MCF2L: variants seen among roughly 807,000 people sequenced by gnomAD.
MCF2L encodes the protein MCF.2 cell line derived transforming sequence like.
MCF2L carries 97 observed loss-of-function variants against 153.4 expected under a neutral mutation model. That is an observed-to-expected ratio of 0.63 (90% CI 0.54 to 0.75). The LOEUF (loss-of-function observed/expected upper bound fraction) is 0.75, where lower values mean the gene tolerates loss of function less well. Ranked by LOEUF, MCF2L falls within the 30% of genes least tolerant of loss-of-function variation. MCF2L has a pLI of 0.00. For missense variants in MCF2L, 1,347 were observed against 1,495.2 expected (o/e 0.90, Z 1.64); for synonymous variants, 659 against 632.2 (o/e 1.04, Z -0.64).
intron 2 of MCF2L, among the ~76,000 whole-genome samples, chr13:112,919,156 A>G (rs1233015350): frequency 1.3e-5 from 2 of 150,752 alleles, no homozygotes; most frequent in African/African-American, 4.9e-5. Flanking sequence ...GTTTTTAGGC[A>G]TTTTTTCAAT....
intron 27 of MCF2L, 129 bp downstream of exon 27, chr13:113,094,764 C>T (rs897369275): frequency 2.4e-6 from 3 of 1,255,136 alleles, no homozygotes; most frequent in Non-Finnish European, 3.3e-6. Flanking sequence ...CTGGAAGGTC[C>T]ACATGGGCCT....
Position 113,058,750 on chromosome 13 carries a change from T to TGA in MCF2L, c.370-1842_370-1841insAG, listed in dbSNP as rs1438723524. Among the ~76,000 whole-genome samples the TGA allele has an allele frequency of 1.8e-4, 19 of 107,608 alleles. 1 individual carries two copies. Among genetic ancestry groups the TGA allele is most frequent in the African/African-American group, 3.2e-4 (8 of 25,296 alleles). The allele number at this position is 107,608 out of a possible 152,430, so 70.6% of individuals were successfully genotyped here. A position where few individuals can be genotyped will look rare whatever the true frequency, so the allele number is the denominator to read the frequency against. Reference sequence around the variant, plus strand: ...TGCTGTGTGGGCGCTGAGTGGGCGCTGTGTGTTTGGGGGCTGAGTATTTGG... The same window carrying TGA: ...TGCTGTGTGGGCGCTGAGTGGGCGCTGAGTGTGTTTGGGGGCTGAGTATTTGG... On this transcript the variant is annotated intron_variant, in intron 4 of 29. Coordinates refer to ENST00000535094, the MANE Select transcript of MCF2L (RefSeq NM_001112732.3).
intron 1 of MCF2L, among the ~76,000 whole-genome samples, chr13:112,995,763 C>G (rs2083102823): frequency 6.6e-6 from 1 of 152,092 alleles, no homozygotes; most frequent in African/African-American, 2.4e-5. Flanking sequence ...AGAGTGTGCC[C>G]TCTCCCCCAG....
At chr13:113,010,774 G>A (rs2141148377) in intron 1 of MCF2L, among the ~76,000 whole-genome samples, 1 of 152,204 alleles carries the variant, frequency 6.6e-6, no homozygotes, top group South Asian at 2.1e-4. Flanking sequence ...GCTCAGTGAG[G>A]GAGCTGGGCC....
In MCF2L at chr13:112,983,382, G is replaced by A. The variant is rs967079917; in HGVS notation, c.79+13924G>A. ...CAGTGGCACTGCGGAAACCCAGGCC[G>A]GACCTCACAATTGCAGGATGAGCCT... On this transcript the variant is annotated intron_variant, in intron 1 of 29. Coordinates refer to ENST00000535094, the MANE Select transcript of MCF2L (RefSeq NM_001112732.3). The surrounding 1 kb of genome is among the most constrained non-coding windows in gnomAD (Gnocchi z 4.0). 7.2e-5 allele frequency among the ~76,000 whole-genome samples: 11 copies of A among 152,202 alleles called. No homozygotes were observed. The highest frequency in any genetic ancestry group is 4.1e-4 in the South Asian group (2 of 4,832).
At chr13:112,962,676 C>A (rs1180995489) in intron 2 of MCF2L, among the ~76,000 whole-genome samples, 4 of 152,238 alleles carry the variant, frequency 2.6e-5, no homozygotes, top group Non-Finnish European at 4.4e-5. Flanking sequence ...CCCCTGAAGG[C>A]CCCAGCTCCC....
Position 113,056,797 on chromosome 13 carries a change from TG to T in MCF2L, c.370-3793del, listed in dbSNP as rs1426798798. ...GCTGAGTGTTTTGGCACTGAGTGTT[TG>T]GGTGCTGTGTGTTTGGGTGCTGAGT... On this transcript the variant is annotated intron_variant, in intron 4 of 29. Transcript: ENST00000535094. Among the ~76,000 whole-genome samples, 3 of 125,714 alleles carry T rather than the reference TG, an allele frequency of 2.4e-5. No homozygotes were observed. The East Asian group carries it at 8.4e-4, about 35-fold the overall frequency. 82.5% of individuals were successfully genotyped at this position (125,714 alleles called of 152,430 possible). A position where few individuals can be genotyped will look rare whatever the true frequency, so the allele number is the denominator to read the frequency against.
intron 1 of MCF2L, among the ~76,000 whole-genome samples, chr13:112,971,049 A>G (rs1420607821): frequency 1.3e-5 from 2 of 152,156 alleles, no homozygotes; most frequent in Non-Finnish European, 2.9e-5. Context: ...CTTACCACCC[A>G]TTAACACTGG....
chr13:112,894,748 G>A (rs1264594171), intron 1 of MCF2L, among the ~76,000 whole-genome samples: 2 of 152,136 alleles, frequency 1.3e-5, no homozygotes, highest in African/African-American at 2.4e-5. Context: ...CTCACACCCC[G>A]GCAGGTGTCA....
intron 8 of MCF2L, among the ~76,000 whole-genome samples, chr13:113,069,711 C>T (rs950096271): frequency 1.3e-5 from 2 of 152,222 alleles, no homozygotes; most frequent in East Asian, 1.9e-4. Flanking sequence ...GGTGATGGAA[C>T]CAGACCCTAT....
rs79001550 is a variant in MCF2L at position 113,078,474 on chromosome 13, C to G, written c.1734+38C>G. ...CAAGACAACCCCGCCATCCACACCCCCCTCCTTGGTTCACGCTGGGCCTGG... is the reference window on the plus strand; with the variant it reads ...CAAGACAACCCCGCCATCCACACCCGCCTCCTTGGTTCACGCTGGGCCTGG... On this transcript the variant is annotated intron_variant, in intron 14 of 29. Coordinates refer to ENST00000535094, the MANE Select transcript of MCF2L (RefSeq NM_001112732.3). The G allele has an allele frequency of 4.6e-4, 718 of 1,574,028 alleles. 4 individuals carry two copies. The African/African-American group carries it at 8.7e-3, about 19-fold the overall frequency.
chr13:112,929,588 T>C (rs2081441156), intron 2 of MCF2L, among the ~76,000 whole-genome samples: 1 of 152,092 alleles, frequency 6.6e-6, no homozygotes, highest in African/African-American at 2.4e-5. Flanking sequence ...GTGCATGGAG[T>C]CTGCCCCTGC....
rs1185260704 is a variant in MCF2L at position 113,087,690 on chromosome 13, C to A, written c.2596-17C>A. On this transcript the variant is annotated splice_polypyrimidine_tract_variant and intron_variant, in intron 22 of 29. Coordinates refer to ENST00000535094, the MANE Select transcript of MCF2L (RefSeq NM_001112732.3). Reference sequence around the variant, plus strand: ...TTCACTGTGCACGCGAACCCCATCTCCACTCTCTGCTCGCAGATGGCTGCC... The same window carrying A: ...TTCACTGTGCACGCGAACCCCATCTACACTCTCTGCTCGCAGATGGCTGCC... 1.2e-6 allele frequency: 2 copies of A among 1,605,126 alleles called. No individual in the cohort carries two copies. Among genetic ancestry groups the A allele is most frequent in the Non-Finnish European group, 1.7e-6 (2 of 1,172,178 alleles).
chr13:112,945,396 G>A (rs949420343), intron 2 of MCF2L, among the ~76,000 whole-genome samples: 7 of 152,176 alleles, frequency 4.6e-5, no homozygotes, highest in African/African-American at 1.7e-4. Flanking sequence ...AGTATACGAG[G>A]ACTCCCTGTA....
In MCF2L at chr13:112,922,604, G is replaced by A. The variant is rs192206300; in HGVS notation, c.169+20233G>A. Among the ~76,000 whole-genome samples the A allele has an allele frequency of 5.3e-5, 8 of 151,670 alleles. No individual in the cohort carries two copies. In the East Asian group the frequency reaches 7.8e-4, roughly 15 times the overall value. ...TCCTAGCACTTTGGGAGACCGAGGCGGGCAGATTGCCTGAGCTCAGGAGTT... is the reference window on the plus strand; with the variant it reads ...TCCTAGCACTTTGGGAGACCGAGGCAGGCAGATTGCCTGAGCTCAGGAGTT... On this transcript the variant is annotated intron_variant, in intron 2 of 29. Transcript: ENST00000375608.
intron 2 of MCF2L, among the ~76,000 whole-genome samples, chr13:112,958,387 G>A (rs1480323989): frequency 6.6e-6 from 1 of 152,194 alleles, no homozygotes; most frequent in African/African-American, 2.4e-5. Context: ...TTCTCTTAAG[G>A]CCATGCAGGG....
chr13:113,096,243 G>A (rs557467380), intron 27 of MCF2L, 128 bp from the exon 28 acceptor site: 3 of 706,880 alleles, frequency 4.2e-6, no homozygotes, highest in East Asian at 2.7e-5. Flanking sequence ...GCCCTTCCCC[G>A]GAGCTGGTCG....
chr13:112,910,688 G>T (rs2081221477), intron 2 of MCF2L: 1 of 152,236 alleles, frequency 6.6e-6, no homozygotes, highest in Non-Finnish European at 1.5e-5. Context: ...CAGAATAAAT[G>T]CTTCTTAGAA....
At position 113,089,564 on chromosome 13, in the gene MCF2L, A is replaced by G. The variant is rs367777499; in HGVS notation, c.2835-46A>G. On this transcript the variant is annotated intron_variant, in intron 25 of 29. Transcript: ENST00000535094. ...GTCCTCAGGGCGTTCTGAAAGACTA[A>G]CCAGGCAACACACTATTTCCTTTTT... is the stretch of plus-strand genomic sequence containing the variant. The G allele has an allele frequency of 5.9e-5, 79 of 1,349,696 alleles. No homozygotes were observed. The African/African-American group carries it at 1.0e-3, about 17-fold the overall frequency. 83.6% of individuals were successfully genotyped at this position (1,349,696 alleles called of 1,614,324 possible).
Sources: allele counts gnomAD v4.1 joint callset (sites outside exome capture counted in the v4.1 genomes callset), GRCh38; gene constraint gnomAD v4.1.1; non-coding constraint Gnocchi (gnomAD v3.1); transcripts MANE v1.5; gene names NCBI Gene and HGNC (gene_info 2026-07-23, HGNC 2026-07-21).